Variants in ZNF654 observed in about 807,000 individuals in gnomAD.
ZNF654 encodes the protein zinc finger protein 654, also known as melanoma-associated antigen.
ZNF654 carries 19 observed loss-of-function variants against 95.3 expected under a neutral mutation model. That is an observed-to-expected ratio of 0.20 (90% CI 0.14 to 0.29). ZNF654 has a LOEUF of 0.29. Ranked by LOEUF, ZNF654 falls within the 10% of genes least tolerant of loss-of-function variation. The pLI is 1.00. For synonymous variants in ZNF654, 413 were observed against 457.9 expected (o/e 0.90, Z 1.25); for missense variants, 1,046 against 1,341.0 (o/e 0.78, Z 3.44).
At chr3:88,116,626 G>A (rs200451443) in intron 3 of ZNF654, among the ~76,000 whole-genome samples, 10 of 151,042 alleles carry the variant, frequency 6.6e-5, no homozygotes, top group Admixed American at 2.6e-4. Flanking sequence ...GTGTGTGTGT[G>A]TATATATATG....
intron 1 of ZNF654, 99 bp from the exon 2 acceptor site, chr3:88,086,158 T>A: frequency 5.5e-6 from 6 of 1,089,340 alleles, no homozygotes; most frequent in Non-Finnish European, 7.8e-6. Context: ...TTCATGCCGA[T>A]CTAATATTTT....
At chr3:88,105,286 CT>C (rs11334104) in intron 2 of ZNF654, among the ~76,000 whole-genome samples, 119,141 of 152,036 alleles carry the variant, frequency 0.78, 47,601 homozygotes, top group South Asian at 0.91. Context: ...TTCCACCCTG[CT>C]TTTTTTTACT....
Position 88,139,584 on chromosome 3 carries a change from G to C in ZNF654, c.1915G>C (p.Glu639Gln), listed in dbSNP as rs560941393. The change falls in exon 8 of 9, where the codon GAA (glutamate) becomes CAA (glutamine). Residue 639 changes from glutamate to glutamine, a missense_variant. This residue lies in a region of ZNF654 where 495 missense variants were observed against 537.0 expected (regional missense o/e 0.92). Coordinates refer to ENST00000636215, the MANE Select transcript of ZNF654 (RefSeq NM_001350134.2). The stretch of plus-strand genomic sequence containing the variant: ...TGGGAATTCTGATAGTAAGGATTTG[G>C]AAGTGGAGACACTTACTGCTTCTAG... Reference protein sequence around the residue: ...ENGNSDSKDLEVETLTASSEG... With the variant: ...ENGNSDSKDLQVETLTASSEG... 1.0e-4 allele frequency: 161 copies of C among 1,613,720 alleles called. No homozygotes were observed. In the South Asian group the frequency reaches 1.7e-3, roughly 17 times the overall value.
chr3:88,090,542 A>G (rs922744769), intron 2 of ZNF654, among the ~76,000 whole-genome samples: 6 of 152,352 alleles, frequency 3.9e-5, no homozygotes, highest in South Asian at 2.1e-4. Context: ...TATAAAGGTT[A>G]TAATAAGGCT....
chr3:88,068,072 G>A (rs1232052284), intron 1 of ZNF654, among the ~76,000 whole-genome samples: 2 of 152,086 alleles, frequency 1.3e-5, no homozygotes, highest in Non-Finnish European at 2.9e-5. Context: ...GGAGTTTTGT[G>A]GTAGGAGTAA....
At chr3:88,092,744 A>G (rs1382656722) in intron 2 of ZNF654, among the ~76,000 whole-genome samples, 2 of 152,218 alleles carry the variant, frequency 1.3e-5, no homozygotes, top group Non-Finnish European at 2.9e-5. Flanking sequence ...ACATTTACAA[A>G]TAAAATATGT....
intron 3 of ZNF654, among the ~76,000 whole-genome samples, chr3:88,123,440 T>A (rs1576325577): frequency 6.6e-6 from 1 of 152,278 alleles, no homozygotes. Context: ...TAATTCATAA[T>A]GTAATCATTT....
intron 7 of ZNF654, among the ~76,000 whole-genome samples, chr3:88,137,586 T>C (rs1333175955): frequency 6.6e-6 from 1 of 152,118 alleles, no homozygotes; most frequent in Non-Finnish European, 1.5e-5. Flanking sequence ...AATTGAAATG[T>C]TTTTAAAGAT....
At chr3:88,098,150 T>C (rs1465983765) in intron 2 of ZNF654, among the ~76,000 whole-genome samples, 3 of 151,866 alleles carry the variant, frequency 2.0e-5, no homozygotes, top group South Asian at 4.2e-4. Flanking sequence ...AAAGGGGATA[T>C]CACCACCGAT....
At chr3:88,075,101 A>T (rs1252531520) in intron 1 of ZNF654, among the ~76,000 whole-genome samples, 1 of 152,118 alleles carries the variant, frequency 6.6e-6, no homozygotes, top group African/African-American at 2.4e-5. Context: ...ATCTTAATTG[A>T]TGTTTCCTAC....
At chr3:88,110,097 A>G (rs1704998708) in intron 2 of ZNF654, among the ~76,000 whole-genome samples, 1 of 152,184 alleles carries the variant, frequency 6.6e-6, no homozygotes, top group South Asian at 2.1e-4. Flanking sequence ...TGGTTGTACT[A>G]TGTTATTAAT....
At chr3:88,107,742 C>A (rs1404999784) in intron 2 of ZNF654, among the ~76,000 whole-genome samples, 3 of 152,082 alleles carry the variant, frequency 2.0e-5, no homozygotes, top group Non-Finnish European at 4.4e-5. Flanking sequence ...TCAGGTGTAT[C>A]TAATCATCCA....
At chr3:88,107,244 C>T (rs1242889755) in intron 2 of ZNF654, among the ~76,000 whole-genome samples, 2 of 152,126 alleles carry the variant, frequency 1.3e-5, no homozygotes, top group South Asian at 4.1e-4. Flanking sequence ...AATGAATGCT[C>T]ATGTTATTGA....
At chr3:88,131,312 G>A (rs546527100) in intron 6 of ZNF654, among the ~76,000 whole-genome samples, 1 of 152,168 alleles carries the variant, frequency 6.6e-6, no homozygotes, top group Non-Finnish European at 1.5e-5. Flanking sequence ...TTGTTACACT[G>A]CGTATAACTG....
In ZNF654 at chr3:88,099,917, A is replaced by G. The variant is rs1182417742; in HGVS notation, c.333-13198A>G. On this transcript the variant is annotated intron_variant, in intron 2 of 8. Transcript: ENST00000636215. ...ACCATTGAGGACATAGGCATGGGCA[A>G]GGACTTCATGACTAAAACACCAAAG... Among the ~76,000 whole-genome samples the G allele has an allele frequency of 2.6e-5, 4 of 152,252 alleles. No homozygotes were observed. In the East Asian group the frequency reaches 7.7e-4, roughly 29 times the overall value.
intron 1 of ZNF654, among the ~76,000 whole-genome samples, chr3:88,064,623 C>T (rs940399322): frequency 6.6e-6 from 1 of 152,208 alleles, no homozygotes; most frequent in African/African-American, 2.4e-5. Context: ...ACTCCCTCTA[C>T]TGATGGCTTG....
At chr3:88,092,694 T>C (rs949522950) in intron 2 of ZNF654, among the ~76,000 whole-genome samples, 1 of 152,206 alleles carries the variant, frequency 6.6e-6, no homozygotes, top group African/African-American at 2.4e-5. Flanking sequence ...AATAATGTTA[T>C]AAAATAATTT....
chr3:88,117,222 T>G (rs1705467159), intron 3 of ZNF654, among the ~76,000 whole-genome samples: 1 of 152,204 alleles, frequency 6.6e-6, no homozygotes, highest in African/African-American at 2.4e-5. Flanking sequence ...AATTTAATTT[T>G]CAACTCATAA....
chr3:88,062,307 G>C (rs1437777217), intron 1 of ZNF654, among the ~76,000 whole-genome samples: 2 of 152,288 alleles, frequency 1.3e-5, no homozygotes, highest in South Asian at 4.1e-4. Flanking sequence ...CCATTATGTA[G>C]ACATGCTGGG....
Sources: allele counts gnomAD v4.1 joint callset (sites outside exome capture counted in the v4.1 genomes callset), GRCh38; gene constraint gnomAD v4.1.1; regional missense constraint gnomAD v4.1.1; transcripts MANE v1.5; gene names NCBI Gene and HGNC (gene_info 2026-07-23, HGNC 2026-07-21).